Variants in DLGAP2 observed in about 807,000 individuals in gnomAD.
DLGAP2 encodes disks large-associated protein 2.
DLGAP2 carries 26 observed loss-of-function variants against 100.3 expected under a neutral mutation model. That is an observed-to-expected ratio of 0.26 (90% CI 0.19 to 0.36). DLGAP2 has a LOEUF of 0.36. DLGAP2 is among the 10% of genes least tolerant of loss of function. The pLI is 1.00. For synonymous variants in DLGAP2, 886 were observed against 630.1 expected (o/e 1.41, Z -6.08); for missense variants, 1,858 against 1,453.2 (o/e 1.28, Z -4.53).
intron 6 of DLGAP2, among the ~76,000 whole-genome samples, chr8:1,607,264 A>C (rs1036613613): frequency 1.3e-5 from 2 of 152,234 alleles, no homozygotes; most frequent in Non-Finnish European, 2.9e-5. Context: ...AGATTTACAG[A>C]GACACAGTTT....
At chr8:1,622,499 G>C (rs948036468) in intron 6 of DLGAP2, 1 of 152,168 alleles carries the variant, frequency 6.6e-6, no homozygotes, top group African/African-American at 2.4e-5. Context: ...TCACAGAGGA[G>C]GTTCTGAGCC....
intron 2 of DLGAP2, among the ~76,000 whole-genome samples, chr8:1,252,687 G>A (rs1312868501): frequency 1.3e-5 from 2 of 152,256 alleles, no homozygotes; most frequent in African/African-American, 2.4e-5. Context: ...TGCTAGCGAG[G>A]CCGCCGGGTG....
chr8:1,284,784 G>C (rs79748543), intron 3 of DLGAP2, among the ~76,000 whole-genome samples: 1 of 152,092 alleles, frequency 6.6e-6, no homozygotes, highest in Non-Finnish European at 1.5e-5. Flanking sequence ...GCTAATTTGC[G>C]TGTTTATTGA....
intron 2 of DLGAP2, among the ~76,000 whole-genome samples, chr8:976,906 G>A (rs1419936329): frequency 6.6e-6 from 1 of 152,182 alleles, no homozygotes; most frequent in Non-Finnish European, 1.5e-5. Context: ...AGTACCAAAA[G>A]CACTGTTCAT....
intron 3 of DLGAP2, among the ~76,000 whole-genome samples, chr8:1,474,245 G>T (rs1003037491): frequency 6.6e-6 from 1 of 152,132 alleles, no homozygotes; most frequent in African/African-American, 2.4e-5. Context: ...GTATTCCATG[G>T]TATATGTATA....
At chr8:781,431 T>G (rs1821684149) in intron 1 of DLGAP2, among the ~76,000 whole-genome samples, 1 of 152,210 alleles carries the variant, frequency 6.6e-6, no homozygotes, top group Non-Finnish European at 1.5e-5. Flanking sequence ...TTTTTTTTGT[T>G]GCTATTTTAA....
At chr8:1,043,052 G>T (rs1244066033) in intron 2 of DLGAP2, among the ~76,000 whole-genome samples, 2 of 120,586 alleles carry the variant, frequency 1.7e-5, no homozygotes, top group Non-Finnish European at 3.5e-5. Context: ...GGATGTGGCT[G>T]GCAGGTGGTG....
chr8:1,003,943 C>G (rs1403338826), intron 2 of DLGAP2, among the ~76,000 whole-genome samples: 2 of 152,144 alleles, frequency 1.3e-5, no homozygotes, highest in Non-Finnish European at 2.9e-5. Flanking sequence ...TGTCCCCCTC[C>G]CAAAAGATTG....
intron 3 of DLGAP2, among the ~76,000 whole-genome samples, chr8:1,356,075 C>T (rs954741002): frequency 6.6e-6 from 1 of 152,224 alleles, no homozygotes; most frequent in East Asian, 1.9e-4. Context: ...TCACACTACG[C>T]CAGCCAGTGC....
At chr8:839,913 G>C (rs905809832) in intron 1 of DLGAP2, among the ~76,000 whole-genome samples, 3 of 151,572 alleles carry the variant, frequency 2.0e-5, no homozygotes, top group Admixed American at 6.6e-5. Context: ...CCACACTCTG[G>C]GTTCTGCAAG....
At chr8:1,412,790 C>G (rs866640854) in intron 3 of DLGAP2, among the ~76,000 whole-genome samples, 1 of 152,306 alleles carries the variant, frequency 6.6e-6, no homozygotes, top group Middle Eastern at 3.4e-3. Flanking sequence ...CTCTAACATA[C>G]CCTCCCTATT....
At chr8:795,788 T>C (rs1796018092) in intron 1 of DLGAP2, among the ~76,000 whole-genome samples, 1 of 137,648 alleles carries the variant, frequency 7.3e-6, no homozygotes, top group Non-Finnish European at 1.5e-5. Flanking sequence ...AGAGCAGGCG[T>C]CCGGTGAGAA....
chr8:1,390,587 C>T (rs868055708), intron 3 of DLGAP2, among the ~76,000 whole-genome samples: 12 of 152,092 alleles, frequency 7.9e-5, no homozygotes, highest in Admixed American at 2.6e-4. Context: ...CTCTGCGTGC[C>T]GCCTCCCTTG....
rs757856736 is a variant in DLGAP2 at position 1,676,613 on chromosome 8, G to C, written c.2283G>C (p.Glu761Asp). The change falls in exon 11 of 15, where the codon GAG becomes GAC. Residue 761 changes from glutamate (E) to aspartate (D), a missense_variant. Coordinates refer to ENST00000637795, the MANE Select transcript of DLGAP2 (RefSeq NM_001346810.2). ...YHSVGVQVED[E>D]KRHGRFKRSN... ...CTGTCGGGGTGCAAGTGGAAGATGA[G>C]AAGCGGTAACTCAGCCCCTCCTGAC... The C allele has an allele frequency of 2.5e-6, 4 of 1,612,150 alleles. No individual in the cohort carries two copies. Among genetic ancestry groups the C allele is most frequent in the Non-Finnish European group, 3.4e-6 (4 of 1,179,182 alleles).
intron 3 of DLGAP2, among the ~76,000 whole-genome samples, chr8:1,447,350 G>T (rs538753428): frequency 6.6e-6 from 1 of 152,096 alleles, no homozygotes; most frequent in Non-Finnish European, 1.5e-5. Flanking sequence ...TAATCATGTG[G>T]TTTTTGTCTT....
intron 2 of DLGAP2, among the ~76,000 whole-genome samples, chr8:1,214,668 T>C (rs1798176326): frequency 6.6e-6 from 1 of 152,240 alleles, no homozygotes; most frequent in Non-Finnish European, 1.5e-5. Context: ...GAGGTCCTTT[T>C]TAACAAGGAC....
chr8:1,653,121 C>T (rs1798204578), intron 8 of DLGAP2, among the ~76,000 whole-genome samples: 1 of 152,260 alleles, frequency 6.6e-6, no homozygotes. Context: ...TGCCCAGTTG[C>T]TGCCAGGCCT....
chr8:890,509 G>A (rs1199180479), intron 1 of DLGAP2, among the ~76,000 whole-genome samples: 6 of 151,602 alleles, frequency 4.0e-5, no homozygotes, highest in South Asian at 2.1e-4. Context: ...CCTCTGCTCC[G>A]CCTTGCCAGG....
chr8:944,351 T>C (rs757387463), intron 2 of DLGAP2, among the ~76,000 whole-genome samples: 7 of 150,900 alleles, frequency 4.6e-5, no homozygotes, highest in Non-Finnish European at 8.9e-5. Flanking sequence ...GGGTGATAAC[T>C]AATCCCTGTG....
Sources: gnomAD v4.1 joint callset for allele counts (sites outside exome capture counted in the v4.1 genomes callset) on GRCh38, gnomAD v4.1.1 for gene constraint, MANE v1.5 for transcripts, NCBI Gene and HGNC (gene_info 2026-07-23, HGNC 2026-07-21) for gene names.